DLGAP2: variants seen among roughly 807,000 people sequenced by gnomAD.
DLGAP2 encodes DLG associated protein 2.
In DLGAP2, 26 loss-of-function variants were observed where a neutral mutation model predicts 100.3. The ratio of observed to expected loss-of-function variants is 0.26; its 90% CI spans 0.19 to 0.36. The LOEUF is 0.36. Among genes scored for constraint, DLGAP2 ranks in the 10% least tolerant of loss-of-function variants. The probability of loss-of-function intolerance (pLI) is 1.00; values close to 1 mark genes in which losing one functional copy is unlikely to be tolerated. For missense variants in DLGAP2, 1,858 were observed against 1,453.2 expected, an observed-to-expected ratio of 1.28 and a Z score of -4.53; for synonymous variants, 886 against 630.1, an observed-to-expected ratio of 1.41 and a Z score of -6.08.
chr8:1,630,617 G>A (rs1461098667), intron 7 of DLGAP2, among the ~76,000 whole-genome samples: 5 of 152,024 alleles, frequency 3.3e-5, no homozygotes, highest in Admixed American at 6.6e-5. Context: ...CAGGAGAATG[G>A]CGTGAATCCG....
chr8:1,521,314 T>G (rs1391841117), intron 4 of DLGAP2, among the ~76,000 whole-genome samples: 1 of 69,508 alleles, frequency 1.4e-5, no homozygotes, highest in Non-Finnish European at 3.2e-5. Context: ...TGTTTTAATT[T>G]GGAATACTCG....
intron 1 of DLGAP2, among the ~76,000 whole-genome samples, chr8:776,537 T>G (rs1205403519): frequency 1.3e-5 from 2 of 152,222 alleles, no homozygotes; most frequent in Non-Finnish European, 2.9e-5. Flanking sequence ...TCCCAGAGAT[T>G]CTGGTATGTT....
chr8:1,319,874 C>T (rs1260678187), intron 3 of DLGAP2, among the ~76,000 whole-genome samples: 1 of 152,126 alleles, frequency 6.6e-6, no homozygotes, highest in Non-Finnish European at 1.5e-5. Flanking sequence ...TGGAAAACCA[C>T]AGGAGACAAA....
chr8:898,426 G>T (rs1199121943), intron 1 of DLGAP2, among the ~76,000 whole-genome samples: 1 of 152,202 alleles, frequency 6.6e-6, no homozygotes, highest in Admixed American at 6.5e-5. Context: ...GCGATGTTTG[G>T]TGTGCGAGCT....
intron 3 of DLGAP2, among the ~76,000 whole-genome samples, chr8:1,319,388 A>C (rs1165692887): frequency 6.6e-6 from 1 of 152,002 alleles, no homozygotes; most frequent in African/African-American, 2.4e-5. Flanking sequence ...ACGTGTGGAA[A>C]CCTCCTGGCA....
At chr8:1,508,127 A>C (rs905160445) in intron 4 of DLGAP2, among the ~76,000 whole-genome samples, 51 of 151,884 alleles carry the variant, frequency 3.4e-4, no homozygotes, top group Admixed American at 6.5e-5. Flanking sequence ...ATACCTTTAA[A>C]GTTAGACACA....
intron 8 of DLGAP2, among the ~76,000 whole-genome samples, chr8:1,633,342 G>C (rs1425742987): frequency 6.6e-6 from 1 of 152,128 alleles, no homozygotes; most frequent in Non-Finnish European, 1.5e-5. Flanking sequence ...CTAGCATTTG[G>C]AAGGTGATTA....
intron 5 of DLGAP2, among the ~76,000 whole-genome samples, chr8:1,559,369 G>A (rs182393112): frequency 1.3e-4 from 20 of 152,294 alleles, no homozygotes; most frequent in Non-Finnish European, 2.4e-4. Flanking sequence ...GTAACATAAC[G>A]GAGAGAGATT....
At chr8:1,116,565 G>A (rs1805124044) in intron 2 of DLGAP2, among the ~76,000 whole-genome samples, 2 of 152,184 alleles carry the variant, frequency 1.3e-5, no homozygotes, top group African/African-American at 4.8e-5. Flanking sequence ...GGAGGCCAAT[G>A]TGAGTGAATT....
chr8:1,548,153 C>G (rs907914063), intron 4 of DLGAP2, among the ~76,000 whole-genome samples: 7 of 152,092 alleles, frequency 4.6e-5, no homozygotes, highest in African/African-American at 1.7e-4. Flanking sequence ...ACTCCTCACA[C>G]TTTGCGATAT....
intron 3 of DLGAP2, among the ~76,000 whole-genome samples, chr8:1,443,171 A>G (rs919636253): frequency 6.6e-6 from 1 of 152,246 alleles, no homozygotes; most frequent in African/African-American, 2.4e-5. Context: ...AAAAACTTAG[A>G]AAACATAGAT....
At chr8:1,039,856 G>A in intron 2 of DLGAP2, among the ~76,000 whole-genome samples, 1 of 140,146 alleles carries the variant, frequency 7.1e-6, no homozygotes, top group South Asian at 2.4e-4. Context: ...TCAGCTCGGT[G>A]TGCGTGGTCG....
intron 2 of DLGAP2, among the ~76,000 whole-genome samples, chr8:1,095,954 T>C (rs940634625): frequency 3.9e-5 from 6 of 152,188 alleles, no homozygotes; most frequent in African/African-American, 7.2e-5. Flanking sequence ...TATCTAACAA[T>C]TTTAGAGAAC....
chr8:1,364,938 C>G (rs1802075585), intron 3 of DLGAP2, among the ~76,000 whole-genome samples: 1 of 152,208 alleles, frequency 6.6e-6, no homozygotes, highest in African/African-American at 2.4e-5. Flanking sequence ...AAGCTCCCAC[C>G]TTCCTCAGAG....
chr8:923,099 G>C (rs1267657752), intron 2 of DLGAP2, among the ~76,000 whole-genome samples: 1 of 152,200 alleles, frequency 6.6e-6, no homozygotes, highest in Non-Finnish European at 1.5e-5. Context: ...CCTGACTGCA[G>C]CAAGTTACTA....
rs572233743 is a variant in DLGAP2 at position 1,128,715 on chromosome 8, C to T, written c.74-130136C>T. On this transcript the variant is annotated intron_variant, in intron 2 of 14. Transcript: ENST00000637795. ...AGCTACTTGGTATTTTATATACTTA[C>T]GAGCGTGTGTCAGAAATATTGAAGC... 3.3e-5 allele frequency among the ~76,000 whole-genome samples: 5 copies of T among 152,264 alleles called. No homozygotes were observed. The South Asian group carries it at 6.2e-4, about 19-fold the overall frequency.
chr8:1,361,410 A>C (rs1801979715), intron 3 of DLGAP2, among the ~76,000 whole-genome samples: 1 of 152,236 alleles, frequency 6.6e-6, no homozygotes, highest in African/African-American at 2.4e-5. Flanking sequence ...AAAAACAAAC[A>C]GAAATCTATG....
chr8:1,114,306 C>T (rs1338589337), intron 2 of DLGAP2, among the ~76,000 whole-genome samples: 1 of 152,012 alleles, frequency 6.6e-6, no homozygotes, highest in Non-Finnish European at 1.5e-5. Context: ...TGGTAGAGTT[C>T]AGCTGTAAAT....
intron 6 of DLGAP2, among the ~76,000 whole-genome samples, chr8:1,599,108 C>G (rs959328980): frequency 6.6e-6 from 1 of 152,100 alleles, no homozygotes; most frequent in Non-Finnish European, 1.5e-5. Context: ...TTATTTTTCC[C>G]TTAATTTCGT....
Sources: gnomAD v4.1 joint callset for allele counts (sites outside exome capture counted in the v4.1 genomes callset) on GRCh38, gnomAD v4.1.1 for gene constraint, MANE v1.5 for transcripts, NCBI Gene and HGNC (gene_info 2026-07-23, HGNC 2026-07-21) for gene names.